MCF2: variants seen among roughly 807,000 people sequenced by gnomAD.
MCF2 encodes proto-oncogene DBL.
Under a neutral mutation model 82.5 loss-of-function variants are expected in MCF2, and 44 were observed. That is an observed-to-expected ratio of 0.53 (90% CI 0.42 to 0.69). MCF2 has a LOEUF of 0.69. Among genes scored for constraint, MCF2 ranks in the 30% least tolerant of loss-of-function variants. The pLI, the probability that MCF2 is intolerant of heterozygous loss-of-function variation, is 0.00. For missense variants in MCF2, 623 were observed against 663.1 expected (o/e 0.94, Z 0.66); for synonymous variants, 217 against 224.9 (o/e 0.96, Z 0.32).
At chrX:139,626,405 T>A (rs529169401) in intron 5 of MCF2, 98 bp from the exon 9 acceptor site, 31 of 595,312 alleles carry the variant, frequency 5.2e-5, no homozygotes, top group African/African-American at 5.0e-4. Flanking sequence ...ATAGGCAAAG[T>A]CATAGCCCAT....
At chrX:139,596,833 A>G in intron 18 of MCF2, 63 bp from the exon 23 acceptor site, 1 of 759,007 alleles carries the variant, frequency 1.3e-6, no homozygotes, top group Non-Finnish European at 2.0e-6. Flanking sequence ...TCTGACACCA[A>G]CATGTTAGGG....
chrX:139,671,933 T>C (rs971346153), intron 1 of MCF2, among the ~76,000 whole-genome samples: 1 of 112,010 alleles, frequency 8.9e-6, no homozygotes, highest in East Asian at 2.8e-4. Flanking sequence ...ATACTGATTC[T>C]TCCTATCCAT....
At chrX:139,614,845 A>C in intron 10 of MCF2, 36 bp downstream of exon 13, 1 of 1,143,106 alleles carries the variant, frequency 8.7e-7, no homozygotes, top group South Asian at 1.9e-5. Flanking sequence ...AAACAATAGC[A>C]AGAAAAAAAG....
chrX:139,588,447 T>TA lies in MCF2; in HGVS notation c.2371-10dup, dbSNP rs758334892. On this transcript the variant is annotated splice_polypyrimidine_tract_variant and intron_variant, in intron 20 of 24. Coordinates refer to ENST00000370576, the Ensembl canonical transcript of MCF2. ...ACATCTACATTAGAAGCCTAAAGAT[T>TA]AAAAAAAAAGCGGGAGGGAGGTGGT... The TA allele has an allele frequency of 3.2e-4, 356 of 1,096,035 alleles. No homozygotes were observed. The highest frequency in any genetic ancestry group is 3.8e-4 in the Non-Finnish European group (306 of 803,739). The allele number at this position is 1,096,035 out of a possible 1,213,427, so 90.3% of individuals were successfully genotyped here.
intron 1 of MCF2, among the ~76,000 whole-genome samples, chrX:139,687,989 C>T (rs1456266706): frequency 1.8e-5 from 2 of 111,798 alleles, no homozygotes; most frequent in East Asian, 5.6e-4. Context: ...TAGTTCGTAA[C>T]ACTCAGAGAA....
At chrX:139,591,007 A>C (rs993853424) in intron 19 of MCF2, among the ~76,000 whole-genome samples, 5 of 111,644 alleles carry the variant, frequency 4.5e-5, no homozygotes, top group African/African-American at 1.6e-4. Flanking sequence ...TTCTGCTCAA[A>C]TATCACAATT....
intron 1 of MCF2, among the ~76,000 whole-genome samples, chrX:139,675,611 T>C (rs546274838): frequency 8.9e-6 from 1 of 112,579 alleles, no homozygotes; most frequent in East Asian, 2.8e-4. Context: ...AGACTCTGTT[T>C]GCCTGGGTAT....
upstream of MCF2, chrX:139,645,501 C>T (rs781685495): frequency 5.2e-4 from 326 of 632,386 alleles, 2 homozygotes; most frequent in Middle Eastern, 7.4e-3. Context: ...TAATCTATAC[C>T]TCCCAAAACA....
chrX:139,619,980 T>C (rs1173059182), intron 6 of MCF2, among the ~76,000 whole-genome samples: 2 of 99,989 alleles, frequency 2.0e-5, no homozygotes, highest in Non-Finnish European at 4.1e-5. Flanking sequence ...GTGAGGTATG[T>C]ATAGGTATAT....
At chrX:139,626,956 G>A (rs1186508668) in intron 4 of MCF2, among the ~76,000 whole-genome samples, 200 bp from the exon 8 acceptor site, 1 of 112,081 alleles carries the variant, frequency 8.9e-6, no homozygotes, top group Non-Finnish European at 1.9e-5. Context: ...GATCCAAGAA[G>A]CCCTTGCCTT....
chrX:139,609,133 A>G (rs896900687), intron 11 of MCF2, among the ~76,000 whole-genome samples: 1 of 112,385 alleles, frequency 8.9e-6, no homozygotes, highest in African/African-American at 3.2e-5. Flanking sequence ...CCAGTAAGTG[A>G]TGGAACTGGG....
intron 16 of MCF2, among the ~76,000 whole-genome samples, chrX:139,600,912 G>A (rs201529250): frequency 7.0e-4 from 78 of 111,595 alleles, no homozygotes; most frequent in African/African-American, 2.1e-3. Flanking sequence ...GCAGGGAGAA[G>A]AAAGCCATTT....
chrX:139,671,060 C>T (rs1342885805), intron 1 of MCF2, among the ~76,000 whole-genome samples: 1 of 111,925 alleles, frequency 8.9e-6, no homozygotes, highest in African/African-American at 3.3e-5. Flanking sequence ...TCTCTGATGG[C>T]CAGGGATGAT....
At chrX:139,687,660 G>A (rs934766711) in intron 1 of MCF2, among the ~76,000 whole-genome samples, 6 of 112,706 alleles carry the variant, frequency 5.3e-5, no homozygotes, top group Non-Finnish European at 7.5e-5. Flanking sequence ...TAAAATGCAC[G>A]TGGAATTGCT....
chrX:139,596,317 G>C (rs1297888560), intron 19 of MCF2, among the ~76,000 whole-genome samples: 2 of 111,126 alleles, frequency 1.8e-5, no homozygotes, highest in African/African-American at 6.5e-5. Flanking sequence ...GGAATACCTA[G>C]GATCGTAGTG....
intron 20 of MCF2, 125 bp downstream of exon 24, chrX:139,589,710 T>C (rs1929322540): frequency 4.1e-6 from 2 of 492,721 alleles, no homozygotes; most frequent in East Asian, 7.5e-5. Flanking sequence ...CAAATAATAT[T>C]TAACTGACCT....
intron 3 of MCF2, among the ~76,000 whole-genome samples, chrX:139,630,548 G>A (rs894053977): frequency 2.7e-5 from 3 of 112,220 alleles, no homozygotes; most frequent in African/African-American, 9.7e-5. Flanking sequence ...AGCATTACAG[G>A]TTATTAAAGG....
At chrX:139,613,308 A>T in intron 10 of MCF2, 45 bp from the exon 14 acceptor site, 1 of 981,376 alleles carries the variant, frequency 1.0e-6, no homozygotes, top group Non-Finnish European at 1.4e-6. Flanking sequence ...ATATCAGAAA[A>T]AAATGAAACA....
intron 1 of MCF2, among the ~76,000 whole-genome samples, chrX:139,658,082 C>CA (rs200871392): frequency 0.043 from 4,742 of 110,042 alleles, 264 homozygotes; most frequent in African/African-American, 0.15. Flanking sequence ...GAAAAGAAAG[C>CA]AAAAAAAATC....
Sources: gnomAD v4.1 joint callset for allele counts (sites outside exome capture counted in the v4.1 genomes callset) on GRCh38, gnomAD v4.1.1 for gene constraint, MANE v1.5 for transcripts, NCBI Gene and HGNC (gene_info 2026-07-23, HGNC 2026-07-21) for gene names.